The following COMMD1 variants were observed in gnomAD, a reference collection of about 807,000 sequenced individuals.
COMMD1 encodes the protein copper metabolism domain containing 1, also known as COMM domain-containing protein 1.
In COMMD1, 10 loss-of-function variants were observed where a neutral mutation model predicts 17.2. The observed-to-expected ratio is 0.58, with a 90% CI of 0.36 to 0.99. The LOEUF is 0.99. COMMD1 is among the 50% of genes least tolerant of loss of function. COMMD1 has a pLI of 0.01. For missense variants in COMMD1, 270 were observed against 231.8 expected (o/e 1.17, Z -1.07); for synonymous variants, 97 against 91.6 (o/e 1.06, Z -0.34).
chr2:61,893,018 C>G (rs946768761), intron 1 of COMMD1, among the ~76,000 whole-genome samples: 1 of 151,872 alleles, frequency 6.6e-6, no homozygotes, highest in East Asian at 1.9e-4. Flanking sequence ...TAGGCATGCG[C>G]CACCGTGGTC....
rs180830189 is a variant in COMMD1, at chr2:62,053,540, T to G, written c.462+52558T>G. 2.7e-3 allele frequency among the ~76,000 whole-genome samples: 416 copies of G among 152,328 alleles called. 4 individuals are homozygous for G. Among genetic ancestry groups the G allele is most frequent in the African/African-American group, 9.7e-3 (405 of 41,576 alleles). On this transcript the variant is annotated intron_variant, in intron 2 of 2. Transcript: ENST00000311832. The stretch of plus-strand genomic sequence containing the variant: ...AGAAAAAAGAATGAAGAGAGCCAGT[T>G]CCTTCTTCTGAGGTGTTCAGATGAG...
At chr2:62,112,207 G>C (rs1217538528) in intron 2 of COMMD1, among the ~76,000 whole-genome samples, 1 of 152,182 alleles carries the variant, frequency 6.6e-6, no homozygotes, top group Non-Finnish European at 1.5e-5. Context: ...GGGTGGTCAT[G>C]TTGAATAAAG....
Position 62,061,554 on chromosome 2 carries a change from CTTTTTTTTTTT to C in COMMD1, c.462+60581_462+60591del, listed in dbSNP as rs57638195. Among the ~76,000 whole-genome samples the C allele has an allele frequency of 4.4e-3, 573 of 131,562 alleles. 3 individuals carry two copies. Among genetic ancestry groups the C allele is most frequent in the Non-Finnish European group, 7.5e-3 (454 of 60,426 alleles). The allele number at this position is 131,562 out of a possible 152,430, so 86.3% of individuals were successfully genotyped here. Reference sequence around the variant, plus strand: ...ATGTGTGGCTGTCTTTCTTTCTTTTCTTTTTTTTTTTTTTTTTTTGAGACGGAATCTAGCTC... The same window carrying C: ...ATGTGTGGCTGTCTTTCTTTCTTTTCTTTTTTTTGAGACGGAATCTAGCTC... On this transcript the variant is annotated intron_variant, in intron 2 of 2. Coordinates refer to ENST00000311832, the MANE Select transcript of COMMD1 (RefSeq NM_152516.4).
At chr2:61,981,580 C>G (rs149601346) in intron 1 of COMMD1, among the ~76,000 whole-genome samples, 1 of 152,010 alleles carries the variant, frequency 6.6e-6, no homozygotes, top group Non-Finnish European at 1.5e-5. Context: ...AAGACATACC[C>G]GAGACTGGAA....
upstream of COMMD1, chr2:61,888,453 G>A (rs1402036242): frequency 3.7e-6 from 6 of 1,611,338 alleles, no homozygotes; most frequent in Non-Finnish European, 5.1e-6. Context: ...CCTTTCCCGC[G>A]GCCGCCGGCA....
intron 1 of COMMD1, among the ~76,000 whole-genome samples, chr2:61,921,233 A>G (rs912626018): frequency 3.9e-5 from 6 of 151,988 alleles, no homozygotes; most frequent in African/African-American, 1.5e-4. Flanking sequence ...GCTTCCCAAA[A>G]TGCTGGGATT....
chr2:61,985,641 TCA>T (rs751593303), intron 1 of COMMD1, among the ~76,000 whole-genome samples: 12 of 152,320 alleles, frequency 7.9e-5, no homozygotes, highest in Middle Eastern at 3.4e-3. Context: ...ATCCTTTATA[TCA>T]CAGTTTTTAG....
At chr2:62,087,170 T>G (rs1357061557) in intron 2 of COMMD1, among the ~76,000 whole-genome samples, 1 of 152,172 alleles carries the variant, frequency 6.6e-6, no homozygotes, top group African/African-American at 2.4e-5. Context: ...GCAAAATGTG[T>G]TTTTAAAGCT....
intron 1 of COMMD1, among the ~76,000 whole-genome samples, chr2:61,968,194 C>T (rs1337927762): frequency 6.6e-6 from 1 of 151,812 alleles, no homozygotes; most frequent in Non-Finnish European, 1.5e-5. Flanking sequence ...CCGCTTGGTG[C>T]CAAACATAGT....
chr2:61,912,273 GAATT>G (rs1022452535), intron 1 of COMMD1, among the ~76,000 whole-genome samples: 3 of 152,154 alleles, frequency 2.0e-5, no homozygotes, highest in African/African-American at 7.2e-5. Context: ...ATAAGTGAAT[GAATT>G]GAGAGTGTTT....
intron 2 of COMMD1, among the ~76,000 whole-genome samples, chr2:62,032,661 C>T (rs889821667): frequency 8.5e-5 from 13 of 152,190 alleles, no homozygotes; most frequent in African/African-American, 2.7e-4. Flanking sequence ...TTGGTGGAAC[C>T]TCATACATCC....
At chr2:62,121,699 C>T (rs1224469904) in intron 2 of COMMD1, among the ~76,000 whole-genome samples, 2 of 149,306 alleles carry the variant, frequency 1.3e-5, no homozygotes, top group Admixed American at 1.3e-4. Context: ...GATTGAGCCA[C>T]TGCACTCCAG....
At chr2:61,927,563 A>AT (rs1217700848) in intron 1 of COMMD1, among the ~76,000 whole-genome samples, 4 of 151,608 alleles carry the variant, frequency 2.6e-5, no homozygotes, top group African/African-American at 7.3e-5. Flanking sequence ...TGCCCGGCTA[A>AT]TTTTTTTTGT....
chr2:61,913,334 T>G (rs1558519288), intron 1 of COMMD1, among the ~76,000 whole-genome samples: 1 of 125,936 alleles, frequency 7.9e-6, no homozygotes, highest in Non-Finnish European at 1.6e-5. Flanking sequence ...ACCACTGCAC[T>G]CCAGCCTGGG....
chr2:61,932,436 A>G (rs1457953747), intron 1 of COMMD1, among the ~76,000 whole-genome samples: 1 of 152,184 alleles, frequency 6.6e-6, no homozygotes, highest in Non-Finnish European at 1.5e-5. Flanking sequence ...CATTGGCTTT[A>G]TATTCTTTTT....
intron 2 of COMMD1, among the ~76,000 whole-genome samples, chr2:62,082,295 G>A (rs1671545250): frequency 6.6e-6 from 1 of 152,140 alleles, no homozygotes. Context: ...TCTCGTAAAT[G>A]TTCTCATACT....
chr2:61,993,830 A>G (rs894139308), intron 1 of COMMD1, among the ~76,000 whole-genome samples: 1 of 152,244 alleles, frequency 6.6e-6, no homozygotes, highest in African/African-American at 2.4e-5. Flanking sequence ...ATGAAATTAT[A>G]TCAGAATGGA....
intron 1 of COMMD1, among the ~76,000 whole-genome samples, chr2:61,976,715 G>T (rs1671812566): frequency 6.6e-6 from 1 of 152,194 alleles, no homozygotes; most frequent in African/African-American, 2.4e-5. Flanking sequence ...GAGAGATGAA[G>T]AGGTGGAACA....
intron 1 of COMMD1, among the ~76,000 whole-genome samples, chr2:61,932,366 G>C (rs563136184): frequency 4.6e-5 from 7 of 152,320 alleles, no homozygotes; most frequent in Non-Finnish European, 1.0e-4. Flanking sequence ...CCCCTTGATA[G>C]TAAAACAGGC....
Sources: gnomAD v4.1 joint callset for allele counts (sites outside exome capture counted in the v4.1 genomes callset) on GRCh38, gnomAD v4.1.1 for gene constraint, MANE v1.5 for transcripts, NCBI Gene and HGNC (gene_info 2026-07-23, HGNC 2026-07-21) for gene names.